Variants in HDAC9 observed in about 807,000 individuals in gnomAD.
HDAC9 encodes histone deacetylase 9.
Under a neutral mutation model 139.4 loss-of-function variants are expected in HDAC9, and 41 were observed. The observed-to-expected ratio is 0.29, with a 90% CI of 0.23 to 0.38. The LOEUF (loss-of-function observed/expected upper bound fraction) is 0.38. Ranked by LOEUF, HDAC9 falls within the 10% of genes least tolerant of loss-of-function variation. HDAC9 has a pLI of 1.00. For missense variants in HDAC9, 1,147 were observed against 1,297.0 expected (o/e 0.88, Z 1.78); for synonymous variants, 517 against 476.2 (o/e 1.09, Z -1.12).
At position 18,924,993 on chromosome 7, in the gene HDAC9, GA is replaced by G. The variant is rs553260919; in HGVS notation, c.2804-10812del. ...CAAGCTTAGATGCAAGGGTTAGTTT[GA>G]AAAGGAATTAGTTTTTTGAAGGGGT... On this transcript the variant is annotated intron_variant, in intron 22 of 25. Coordinates refer to ENST00000686413, the MANE Select transcript of HDAC9 (RefSeq NM_178425.4). Among the ~76,000 whole-genome samples the G allele has an allele frequency of 2.3e-3, 347 of 152,202 alleles. 2 individuals carry two copies. Among genetic ancestry groups the G allele is most frequent in the African/African-American group, 7.7e-3 (319 of 41,554 alleles).
intron 2 of HDAC9, among the ~76,000 whole-genome samples, chr7:18,183,272 G>C (rs1211840382): frequency 6.6e-6 from 1 of 152,206 alleles, no homozygotes; most frequent in African/African-American, 2.4e-5. Flanking sequence ...GCCTCCCAAA[G>C]TGCTGGGATT....
intron 2 of HDAC9, among the ~76,000 whole-genome samples, chr7:18,244,845 A>C (rs1794414820): frequency 6.6e-6 from 1 of 151,166 alleles, no homozygotes; most frequent in Non-Finnish European, 1.5e-5. Flanking sequence ...ATGTTGCAAT[A>C]GCTAAATCTT....
At chr7:18,916,205 C>T (rs1803196710) in intron 22 of HDAC9, among the ~76,000 whole-genome samples, 1 of 151,876 alleles carries the variant, frequency 6.6e-6, no homozygotes, top group Non-Finnish European at 1.5e-5. Flanking sequence ...AAATGTCAGT[C>T]ACTAGCCAGA....
chr7:18,383,932 C>T (rs1429291572), intron 1 of HDAC9, among the ~76,000 whole-genome samples: 1 of 151,042 alleles, frequency 6.6e-6, no homozygotes, highest in Non-Finnish European at 1.5e-5. Context: ...GAAATTACTA[C>T]AACATTTTAA....
intron 1 of HDAC9, among the ~76,000 whole-genome samples, chr7:18,361,371 C>G (rs568019919): frequency 6.6e-6 from 1 of 152,138 alleles, no homozygotes; most frequent in South Asian, 2.1e-4. Context: ...CTGAAGTTAC[C>G]TAGACCACTG....
At chr7:18,847,502 G>T (rs1040387802) in intron 21 of HDAC9, among the ~76,000 whole-genome samples, 10 of 152,180 alleles carry the variant, frequency 6.6e-5, no homozygotes, top group Admixed American at 6.5e-4. Context: ...TATTATTAAT[G>T]CCCCTTTGAA....
chr7:18,951,602 A>T lies in HDAC9; in HGVS notation c.2938-2544A>T, dbSNP rs527975237. The stretch of plus-strand genomic sequence containing the variant: ...AAAAGTTGTCTTGTTTGTATAAATT[A>T]CTCCTTATTTATCTTTTAATAATTT... On this transcript the variant is annotated intron_variant, in intron 23 of 25. Coordinates refer to ENST00000686413, the MANE Select transcript of HDAC9 (RefSeq NM_178425.4). 1.4e-4 allele frequency among the ~76,000 whole-genome samples: 21 copies of T among 151,108 alleles called. No homozygotes were observed. In the East Asian group the frequency reaches 4.1e-3, roughly 29 times the overall value.
At chr7:18,692,422 G>C (rs1345961311) in intron 12 of HDAC9, among the ~76,000 whole-genome samples, 1 of 151,940 alleles carries the variant, frequency 6.6e-6, no homozygotes, top group Non-Finnish European at 1.5e-5. Flanking sequence ...CTTTTTTATG[G>C]AACAAACTTT....
rs578182507 is a variant in HDAC9 at position 18,577,240 on chromosome 7, A to G, written c.23-8041A>G. ...GCCACACTGCTTGTTTTGTGAAACA[A>G]CCAAGTCTCCTGCCTACCTTTCTGA... On this transcript the variant is annotated intron_variant, in intron 2 of 25. Transcript: ENST00000686413. 5.9e-5 allele frequency among the ~76,000 whole-genome samples: 9 copies of G among 152,326 alleles called. No homozygotes were observed. In the South Asian group the frequency reaches 6.2e-4, roughly 11 times the overall value.
At chr7:18,530,901 G>A (rs1274247629) in intron 2 of HDAC9, among the ~76,000 whole-genome samples, 2 of 151,256 alleles carry the variant, frequency 1.3e-5, no homozygotes, top group Non-Finnish European at 2.9e-5. Flanking sequence ...GTATATAAAG[G>A]CTTACAGTGA....
intron 1 of HDAC9, among the ~76,000 whole-genome samples, chr7:18,362,178 C>T (rs1441226083): frequency 6.6e-6 from 1 of 152,220 alleles, no homozygotes; most frequent in Non-Finnish European, 1.5e-5. Flanking sequence ...ACCTTTCATA[C>T]TTGACCATGT....
At chr7:18,246,987 AGTT>A (rs1233036868) in intron 2 of HDAC9, among the ~76,000 whole-genome samples, 1 of 152,110 alleles carries the variant, frequency 6.6e-6, no homozygotes. Flanking sequence ...AGGATTCTCC[AGTT>A]GTTCTAACGT....
chr7:18,739,453 A>C (rs942545247), intron 13 of HDAC9, among the ~76,000 whole-genome samples: 1 of 152,040 alleles, frequency 6.6e-6, no homozygotes, highest in Non-Finnish European at 1.5e-5. Flanking sequence ...TTTGGTGTAG[A>C]TGTCCTTTTT....
intron 1 of HDAC9, among the ~76,000 whole-genome samples, chr7:18,115,007 T>C (rs1325366931): frequency 6.6e-6 from 1 of 152,152 alleles, no homozygotes; most frequent in Non-Finnish European, 1.5e-5. Context: ...AAAAAATTCA[T>C]ATGTCCGGGC....
rs1211583520 is a variant in HDAC9, at chr7:18,996,091, G to C, written c.*29G>C. The C allele has an allele frequency of 1.9e-6, 3 of 1,565,174 alleles. No individual in the cohort carries two copies. The highest frequency in any genetic ancestry group is 8.7e-7 in the Non-Finnish European group (1 of 1,143,094). On this transcript the variant is annotated 3_prime_UTR_variant, in exon 26 of 26. Transcript: ENST00000686413. ...GCCAAGTCCCCCTCTGATATTTCCT[G>C]TGTGTGACATCATTGTGTATCCCCC...
chr7:18,896,801 T>C (rs1046024308), intron 22 of HDAC9, among the ~76,000 whole-genome samples: 8 of 152,184 alleles, frequency 5.3e-5, no homozygotes, highest in African/African-American at 1.9e-4. Flanking sequence ...GTTAGAGAAC[T>C]AGCAAGAACA....
chr7:18,823,387 G>T (rs898986735), intron 17 of HDAC9, among the ~76,000 whole-genome samples: 3 of 152,222 alleles, frequency 2.0e-5, no homozygotes, highest in African/African-American at 7.2e-5. Flanking sequence ...GCACCACGTA[G>T]AGTTTATTTA....
At chr7:18,809,768 G>A (rs949577345) in intron 17 of HDAC9, among the ~76,000 whole-genome samples, 49 of 151,918 alleles carry the variant, frequency 3.2e-4, no homozygotes, top group Non-Finnish European at 5.9e-4. Flanking sequence ...CACTGTTAAT[G>A]GGAATCTAAA....
chr7:18,792,660 A>G (rs1792427727), intron 16 of HDAC9, among the ~76,000 whole-genome samples: 1 of 152,210 alleles, frequency 6.6e-6, no homozygotes, highest in East Asian at 1.9e-4. Context: ...CAATTTTAAC[A>G]ATACCAGTTT....
Sources: gnomAD v4.1 joint callset for allele counts (sites outside exome capture counted in the v4.1 genomes callset) on GRCh38, gnomAD v4.1.1 for gene constraint, MANE v1.5 for transcripts, NCBI Gene and HGNC (gene_info 2026-07-23, HGNC 2026-07-21) for gene names.